Variants in KCNK3 observed in about 807,000 individuals in gnomAD.
The protein encoded by KCNK3 is potassium two pore domain channel subfamily K member 3, also known as potassium channel subfamily K member 3.
A neutral mutation model predicts 27.3 loss-of-function variants in KCNK3; 9 were observed. The observed-to-expected ratio is 0.33, with a 90% CI of 0.20 to 0.57. The LOEUF is 0.57. Ranked by LOEUF, KCNK3 falls within the 20% of genes least tolerant of loss-of-function variation. The pLI, the probability that KCNK3 is intolerant of heterozygous loss-of-function variation, is 0.87. For missense variants in KCNK3, 391 were observed against 577.7 expected (o/e 0.68, Z 3.31); for synonymous variants, 278 against 273.8 (o/e 1.02, Z -0.15).
In KCNK3 at chr2:26,693,508, G is replaced by C. The variant is rs1280911082; in HGVS notation, c.283+350G>C. On this transcript the variant is annotated intron_variant, in intron 1 of 1. Transcript: ENST00000302909. The surrounding 1 kb of genome is among the most constrained non-coding windows in gnomAD (Gnocchi z 5.5). The stretch of plus-strand genomic sequence containing the variant: ...GGCCGGGCCAGGCCCTGAACAGGGC[G>C]CTGAGAGTGAGCGGCGGGAGAGCGC... Among the ~76,000 whole-genome samples the C allele has an allele frequency of 6.6e-6, 1 of 152,214 alleles. No individual in the cohort carries two copies. The highest frequency in any genetic ancestry group is 1.9e-4 in the East Asian group (1 of 5,184).
intron 1 of KCNK3, among the ~76,000 whole-genome samples, chr2:26,706,964 C>T (rs527489206): frequency 6.6e-6 from 1 of 152,264 alleles, no homozygotes; most frequent in East Asian, 1.9e-4. Context: ...GGGGCCGTCT[C>T]TGTTGCACCT....
intron 1 of KCNK3, among the ~76,000 whole-genome samples, chr2:26,696,509 G>A (rs1670237112): frequency 6.6e-6 from 1 of 152,180 alleles, no homozygotes; most frequent in Non-Finnish European, 1.5e-5. Context: ...AGCCCTGATT[G>A]GTTGGAGGTC....
At chr2:26,708,754 G>A (rs1351521211) in intron 1 of KCNK3, among the ~76,000 whole-genome samples, 1 of 152,246 alleles carries the variant, frequency 6.6e-6, no homozygotes, top group Non-Finnish European at 1.5e-5. Context: ...GTCTAAGTGG[G>A]TTGTGATGTG....
rs113808323 is a variant in KCNK3, at chr2:26,724,703, C to G, written c.284-2964C>G. The G allele has an allele frequency of 2.1e-3, 1,554 of 738,814 alleles. 19 individuals carry two copies. The African/African-American group carries it at 0.028, about 13-fold the overall frequency. The allele number at this position is 738,814 out of a possible 1,614,324, so 45.8% of individuals were successfully genotyped here. On this transcript the variant is annotated intron_variant, in intron 1 of 1. Coordinates refer to ENST00000302909, the MANE Select transcript of KCNK3 (RefSeq NM_002246.3). ...GCTGTGGTGGAGCATGAGGTGCTGCCTGGGATAAGAGCCTCTGGTTAAGCC... is the reference window on the plus strand; with the variant it reads ...GCTGTGGTGGAGCATGAGGTGCTGCGTGGGATAAGAGCCTCTGGTTAAGCC...
chr2:26,704,136 C>T (rs1444043368), intron 1 of KCNK3, among the ~76,000 whole-genome samples: 1 of 152,174 alleles, frequency 6.6e-6, no homozygotes, highest in Non-Finnish European at 1.5e-5. Context: ...GCCCACCCTG[C>T]TCACCCAGCA....
intron 1 of KCNK3, among the ~76,000 whole-genome samples, chr2:26,712,404 T>C (rs773028671): frequency 3.3e-5 from 5 of 152,158 alleles, no homozygotes; most frequent in African/African-American, 4.8e-5. Context: ...GAGTGGTGGA[T>C]TCTTAGCCTC....
At chr2:26,708,919 C>T (rs1663049268) in intron 1 of KCNK3, among the ~76,000 whole-genome samples, 1 of 152,048 alleles carries the variant, frequency 6.6e-6, no homozygotes, top group Non-Finnish European at 1.5e-5. Context: ...ACTGGACCAG[C>T]GTGGTGGTGG....
chr2:26,722,007 T>C (rs917111736), intron 1 of KCNK3, among the ~76,000 whole-genome samples: 4 of 152,176 alleles, frequency 2.6e-5, no homozygotes, highest in Admixed American at 2.6e-4. Flanking sequence ...AGGTTCTTGA[T>C]ACTGCACAGG....
At chr2:26,723,849 C>T (rs568293974) in intron 1 of KCNK3, among the ~76,000 whole-genome samples, 2 of 152,184 alleles carry the variant, frequency 1.3e-5, no homozygotes, top group Non-Finnish European at 1.5e-5. Flanking sequence ...CAGAGTCTCC[C>T]GGTCAGAACA....
intron 1 of KCNK3, among the ~76,000 whole-genome samples, chr2:26,710,738 C>A (rs1179925331): frequency 6.6e-6 from 1 of 152,172 alleles, no homozygotes; most frequent in East Asian, 1.9e-4. Flanking sequence ...TGAGGCCCTG[C>A]TGCTCCCAGC....
intron 1 of KCNK3, among the ~76,000 whole-genome samples, chr2:26,719,950 C>A (rs896516027): frequency 6.6e-6 from 1 of 152,224 alleles, no homozygotes; most frequent in Non-Finnish European, 1.5e-5. Context: ...CTCTCTCAGC[C>A]TCAGTTTACC....
chr2:26,713,424 T>C (rs1663161523), intron 1 of KCNK3, among the ~76,000 whole-genome samples: 1 of 151,702 alleles, frequency 6.6e-6, no homozygotes, highest in Non-Finnish European at 1.5e-5. Flanking sequence ...CTGTATTGTG[T>C]GGACTGGGGG....
chr2:26,695,407 CCA>C (rs1452857626), intron 1 of KCNK3, among the ~76,000 whole-genome samples: 1 of 152,082 alleles, frequency 6.6e-6, no homozygotes, highest in Non-Finnish European at 1.5e-5. Context: ...TTTATCTTGT[CCA>C]TGCTAACCTT....
intron 1 of KCNK3, among the ~76,000 whole-genome samples, chr2:26,709,457 G>A (rs1443215225): frequency 1.3e-5 from 2 of 152,166 alleles, no homozygotes; most frequent in East Asian, 1.9e-4. Context: ...GCCAGGGGGA[G>A]TGTTTCCAGA....
chr2:26,714,053 G>A (rs1253565543), intron 1 of KCNK3, among the ~76,000 whole-genome samples: 1 of 151,672 alleles, frequency 6.6e-6, no homozygotes, highest in Non-Finnish European at 1.5e-5. Flanking sequence ...TCCAGCCTGG[G>A]CAACAGTGCA....
chr2:26,707,584 T>A (rs1035433372), intron 1 of KCNK3, among the ~76,000 whole-genome samples: 13 of 152,168 alleles, frequency 8.5e-5, no homozygotes, highest in African/African-American at 2.9e-4. Context: ...TCACTCAGAA[T>A]GTTTTGGGGC....
At chr2:26,712,382 T>C (rs1025679889) in intron 1 of KCNK3, among the ~76,000 whole-genome samples, 3 of 152,184 alleles carry the variant, frequency 2.0e-5, no homozygotes, top group African/African-American at 7.2e-5. Context: ...TGAGTGAGTA[T>C]GTTTCTACGG....
In KCNK3 at chr2:26,727,869, C is replaced by T. The variant is rs540879740; in HGVS notation, c.486C>T (p.Ile162=). ...TGTCCATGGCCAACATGGTGCTCAT[C>T]GGCTTCTTCTCGTGCATCAGCACGC... ...ADVSMANMVL[I]GFFSCISTLC... Residue 162 remains isoleucine (I), a synonymous_variant, in exon 2 of 2, where the codon ATC becomes ATT. Transcript: ENST00000302909. The T allele has an allele frequency of 1.6e-5, 26 of 1,614,166 alleles. No homozygotes were observed. In the African/African-American group the frequency reaches 3.1e-4, roughly 19 times the overall value.
intron 1 of KCNK3, among the ~76,000 whole-genome samples, chr2:26,723,851 G>A (rs1278700029): frequency 6.6e-6 from 1 of 152,212 alleles, no homozygotes; most frequent in African/African-American, 2.4e-5. Context: ...GAGTCTCCCG[G>A]TCAGAACATC....
Sources: gnomAD v4.1 joint callset for allele counts (sites outside exome capture counted in the v4.1 genomes callset) on GRCh38, gnomAD v4.1.1 for gene constraint, Gnocchi (gnomAD v3.1) non-coding constraint, MANE v1.5 for transcripts, NCBI Gene and HGNC (gene_info 2026-07-23, HGNC 2026-07-21) for gene names.